Variants in ZNF57 observed in about 807,000 individuals in gnomAD.
ZNF57 encodes zinc finger protein 57.
ZNF57 carries 11 observed loss-of-function variants against 13.4 expected under a neutral mutation model. That is an observed-to-expected ratio of 0.82 (90% CI 0.52 to 1.36). ZNF57 has a LOEUF of 1.36. ZNF57 is among the 40% of genes most tolerant of loss of function. The pLI is 0.00. For missense variants in ZNF57, 696 were observed against 667.5 expected, an observed-to-expected ratio of 1.04 and a Z score of -0.47; for synonymous variants, 224 against 238.5, an observed-to-expected ratio of 0.94 and a Z score of 0.56.
chr19:2,917,360 A>G lies in ZNF57; in HGVS notation c.739A>G (p.Thr247Ala), dbSNP rs966190115. 6.2e-7 allele frequency: 1 copy of G among 1,614,244 alleles called. No individual in the cohort carries two copies. The change falls in exon 4 of 4, where the codon ACA becomes GCA. Residue 247 changes from threonine (T) to alanine (A), a missense_variant. Physicochemically the swap from Thr to Ala is moderately conservative, Grantham distance 58. This residue lies in a region of ZNF57 where 645 missense variants were observed against 591.5 expected (regional missense o/e 1.09). Transcript: ENST00000306908. ...ASFTRHVRTH[T>A]KDRPYKCQEC... ...CTTCACTAGACATGTGAGAACTCAC[A>G]CAAAAGACAGGCCATATAAATGTCA...
chr19:2,911,876 C>T (rs1340661588), intron 1 of ZNF57, among the ~76,000 whole-genome samples: 4 of 152,176 alleles, frequency 2.6e-5, no homozygotes, highest in Non-Finnish European at 5.9e-5. Context: ...CTACTTTTTC[C>T]ATTAGAGCAC....
chr19:2,901,739 G>C (rs1269642712), intron 1 of ZNF57, among the ~76,000 whole-genome samples: 2 of 152,154 alleles, frequency 1.3e-5, no homozygotes, highest in East Asian at 3.9e-4. Flanking sequence ...GAATGGTCTC[G>C]ATCTCTTGAC....
At chr19:2,901,934 TTCACAAGGGCTTGGGGGATGTATTG>T (rs1309503965) in intron 1 of ZNF57, among the ~76,000 whole-genome samples, 2 of 151,940 alleles carry the variant, frequency 1.3e-5, no homozygotes, top group Non-Finnish European at 2.9e-5. Context: ...TCAAAGTACA[TTCACAAGGGCTTGGGGGATGTATTG>T]TCACAAGGGC....
chr19:2,911,360 G>A, intron 1 of ZNF57, among the ~76,000 whole-genome samples: 1 of 152,056 alleles, frequency 6.6e-6, no homozygotes, highest in South Asian at 2.1e-4. Flanking sequence ...GTGAAACCCT[G>A]TCTCTACAAA....
chr19:2,901,126 T>G (rs111257453), intron 1 of ZNF57, 78 bp downstream of exon 1: 1 of 38,558 alleles, frequency 2.6e-5, no homozygotes, highest in African/African-American at 1.1e-4. Flanking sequence ...CGCCGAAGTC[T>G]GCGGCCGGGA....
In ZNF57 at chr19:2,917,085, T is replaced by C. The variant is rs1568184120; in HGVS notation, c.464T>C (p.Leu155Pro). ...ACAGTCTTCACGCATCTTTCTTCTC[T>C]TAAAAGGCACGTCAAGTCTCACTGT... Reference protein sequence around the residue: ...CRTVFTHLSSLKRHVKSHCGR... With the variant: ...CRTVFTHLSSPKRHVKSHCGR... Residue 155 changes from leucine (L) to proline (P), a missense_variant, in exon 4 of 4, where the codon CTT (leucine) becomes CCT (proline). Leu to Pro is a moderately conservative substitution (Grantham distance 98, BLOSUM62 -3). Coordinates refer to ENST00000306908, the MANE Select transcript of ZNF57 (RefSeq NM_173480.3). 6.2e-7 allele frequency: 1 copy of C among 1,614,146 alleles called. No individual in the cohort carries two copies. Among genetic ancestry groups the C allele is most frequent in the Non-Finnish European group, 8.5e-7 (1 of 1,180,010 alleles).
chr19:2,901,348 G>T (rs2088028322), intron 1 of ZNF57, among the ~76,000 whole-genome samples: 1 of 148,988 alleles, frequency 6.7e-6, no homozygotes, highest in Admixed American at 6.7e-5. Context: ...GGACCAGTTT[G>T]GGGGGACGGC....
At chr19:2,912,265 A>G (rs1599601372) in intron 1 of ZNF57, 2 of 152,338 alleles carry the variant, frequency 1.3e-5, no homozygotes, top group South Asian at 4.1e-4. Flanking sequence ...TCCACAGGTA[A>G]TTTAGACACT....
intron 1 of ZNF57, among the ~76,000 whole-genome samples, chr19:2,903,526 A>T (rs2088046753): frequency 1.3e-5 from 2 of 149,810 alleles, no homozygotes; most frequent in South Asian, 4.2e-4. Flanking sequence ...TTAAGTTTTA[A>T]TATAAACACC....
intron 1 of ZNF57, among the ~76,000 whole-genome samples, chr19:2,906,780 G>A (rs952101154): frequency 6.6e-6 from 1 of 152,194 alleles, no homozygotes; most frequent in African/African-American, 2.4e-5. Context: ...GTTTGCCTCG[G>A]TGCCATAAGT....
intron 1 of ZNF57, among the ~76,000 whole-genome samples, chr19:2,911,297 G>A (rs191066835): frequency 2.0e-4 from 31 of 152,138 alleles, no homozygotes; most frequent in Admixed American, 1.7e-3. Flanking sequence ...CTGGGAGGCC[G>A]AGGTGGGTGG....
Position 2,917,166 on chromosome 19 carries a change from A to C in ZNF57, c.545A>C (p.His182Pro), listed in dbSNP as rs200825469. Residue 182 changes from histidine to proline, a missense_variant, in exon 4 of 4, where the codon CAC becomes CCC. Transcript: ENST00000306908. ...AAGCAGGCCTGCATTTGTCCCTCAC[A>C]CCTACACAGTCACGGAAGAACTGAC... ...ECKQACICPS[H>P]LHSHGRTDTE... is the part of the protein sequence containing the mutation. 6.2e-7 allele frequency: 1 copy of C among 1,614,184 alleles called. No individual in the cohort carries two copies. The highest frequency in any genetic ancestry group is 1.6e-4 in the Middle Eastern group (1 of 6,062).
At chr19:2,906,026 G>A (rs1273235072) in intron 1 of ZNF57, among the ~76,000 whole-genome samples, 1 of 152,046 alleles carries the variant, frequency 6.6e-6, no homozygotes, top group African/African-American at 2.4e-5. Context: ...ATGTCATTCG[G>A]TAGTGTTTTA....
chr19:2,917,173 C>A lies in ZNF57; in HGVS notation c.552C>A (p.His184Gln), dbSNP rs1287990737. 6.2e-7 allele frequency: 1 copy of A among 1,614,096 alleles called. No homozygotes were observed. The highest frequency in any genetic ancestry group is 8.5e-7 in the Non-Finnish European group (1 of 1,180,040). Residue 184 changes from histidine (H) to glutamine (Q), a missense_variant, in exon 4 of 4, where the codon CAC becomes CAA. By Grantham distance (24) the His-to-Gln change is conservative. Around this residue, in one of 3 missense-constraint regions of ZNF57, gnomAD observed 645 missense variants for 591.5 expected, o/e 1.09. Coordinates refer to ENST00000306908, the MANE Select transcript of ZNF57 (RefSeq NM_173480.3). ...CCTGCATTTGTCCCTCACACCTACA[C>A]AGTCACGGAAGAACTGACACTGAGG... The part of the protein sequence containing the change: ...KQACICPSHL[H>Q]SHGRTDTEEK...
At chr19:2,909,413 T>C (rs1452851876) in intron 1 of ZNF57, among the ~76,000 whole-genome samples, 1 of 63,350 alleles carries the variant, frequency 1.6e-5, no homozygotes, top group Non-Finnish European at 4.2e-5. Flanking sequence ...CCCGAGTAGC[T>C]GGGACTACAG....
In ZNF57 at chr19:2,917,103, C is replaced by T; in HGVS notation, c.482C>T (p.Ser161Phe). 1 of 1,614,076 alleles carries T rather than the reference C, an allele frequency of 6.2e-7. No individual in the cohort carries two copies. The highest frequency in any genetic ancestry group is 8.5e-7 in the Non-Finnish European group (1 of 1,179,916). The change falls in exon 4 of 4, where the codon TCT becomes TTT. Residue 161 changes from serine to phenylalanine, a missense_variant. By Grantham distance (155) the Ser-to-Phe change is radical. Transcript: ENST00000306908. ...TCTTCTCTTAAAAGGCACGTCAAGT[C>T]TCACTGTGGACGAAAAGCACCTCCA... is the stretch of plus-strand genomic sequence containing the variant. ...HLSSLKRHVK[S>F]HCGRKAPPGE...
At chr19:2,906,842 G>A (rs145013209) in intron 1 of ZNF57, among the ~76,000 whole-genome samples, 12 of 152,230 alleles carry the variant, frequency 7.9e-5, no homozygotes, top group African/African-American at 2.4e-4. Context: ...TGTCACCACC[G>A]GAGGCATCAG....
chr19:2,903,902 A>G (rs1411086022), intron 1 of ZNF57, among the ~76,000 whole-genome samples: 4 of 151,910 alleles, frequency 2.6e-5, no homozygotes, highest in African/African-American at 9.7e-5. Flanking sequence ...TTTTTAGTAG[A>G]GACGGGGTTT....
At chr19:2,915,730 G>C in intron 2 of ZNF57, 82 bp downstream of exon 2, 2 of 1,604,150 alleles carry the variant, frequency 1.2e-6, no homozygotes, top group Non-Finnish European at 1.7e-6. Context: ...TGTGAAATGT[G>C]GGAAAGGACT....
Sources: allele counts gnomAD v4.1 joint callset (sites outside exome capture counted in the v4.1 genomes callset), GRCh38; gene constraint gnomAD v4.1.1; regional missense constraint gnomAD v4.1.1; transcripts MANE v1.5; gene names NCBI Gene and HGNC (gene_info 2026-07-23, HGNC 2026-07-21).